FNIP1: variants seen among roughly 807,000 people sequenced by gnomAD.
The protein encoded by FNIP1 is folliculin interacting protein 1.
Under a neutral mutation model 124.5 loss-of-function variants are expected in FNIP1, and 40 were observed. The observed-to-expected ratio is 0.32, with a 90% CI of 0.25 to 0.42. The LOEUF is 0.42. FNIP1 is among the 10% of genes least tolerant of loss of function. FNIP1 has a pLI of 1.00. For missense variants in FNIP1, 1,176 were observed against 1,403.7 expected (o/e 0.84, Z 2.59); for synonymous variants, 472 against 470.6 (o/e 1.00, Z -0.04).
intron 15 of FNIP1, among the ~76,000 whole-genome samples, chr5:131,668,960 C>T (rs1312389121): frequency 6.6e-6 from 1 of 152,148 alleles, no homozygotes; most frequent in East Asian, 1.9e-4. Context: ...TTTGGAGAAG[C>T]CCTCACCATT....
intron 2 of FNIP1, among the ~76,000 whole-genome samples, chr5:131,740,829 T>C (rs529915638): frequency 1.3e-5 from 2 of 152,186 alleles, no homozygotes; most frequent in African/African-American, 4.8e-5. Context: ...ACCTTGATGA[T>C]GAAAAAGCCT....
chr5:131,659,202 A>C (rs1163241499), intron 15 of FNIP1, among the ~76,000 whole-genome samples: 1 of 152,186 alleles, frequency 6.6e-6, no homozygotes, highest in Non-Finnish European at 1.5e-5. Flanking sequence ...ATGCCAGGGT[A>C]CATGTTGTTG....
rs756871012 is a variant in FNIP1, at chr5:131,642,958, G to T, written c.*1727C>A. 6.8e-6 allele frequency: 1 copy of T among 147,144 alleles called. No individual in the cohort carries two copies. The highest frequency in any genetic ancestry group is 1.5e-5 in the Non-Finnish European group (1 of 67,018). The allele number at this position is 147,144 out of a possible 1,614,324, so 9.1% of individuals were successfully genotyped here. A position where few individuals can be genotyped will look rare whatever the true frequency, so the allele number is the denominator to read the frequency against. On this transcript the variant is annotated 3_prime_UTR_variant, in exon 18 of 18. Coordinates refer to ENST00000510461, the MANE Select transcript of FNIP1 (RefSeq NM_133372.3). The stretch of plus-strand genomic sequence containing the variant: ...ATTCTGCCAAAAAGATTGACTCATA[G>T]AATTCCAAAATCAGACAACTGGATA...
chr5:131,695,138 AATAAATAAATAAAT>A (rs1768647496), intron 11 of FNIP1, among the ~76,000 whole-genome samples: 3 of 151,378 alleles, frequency 2.0e-5, no homozygotes, highest in African/African-American at 7.3e-5. Context: ...TAAATAAATA[AATAAATAAATAAAT>A]AAAGCATTAA....
At chr5:131,750,549 G>A (rs1561689230) in intron 1 of FNIP1, among the ~76,000 whole-genome samples, 1 of 151,354 alleles carries the variant, frequency 6.6e-6, no homozygotes, top group Non-Finnish European at 1.5e-5. Context: ...TAAGTCAATA[G>A]ACTATGATAG....
intron 11 of FNIP1, among the ~76,000 whole-genome samples, chr5:131,688,028 A>C (rs147976405): frequency 1.3e-5 from 2 of 152,170 alleles, no homozygotes; most frequent in African/African-American, 4.8e-5. Flanking sequence ...TGGCCTCTGG[A>C]AAGAAAAATA....
At chr5:131,773,902 T>C (rs1258121394) in intron 1 of FNIP1, among the ~76,000 whole-genome samples, 2 of 152,202 alleles carry the variant, frequency 1.3e-5, no homozygotes, top group Non-Finnish European at 2.9e-5. Flanking sequence ...TCTCATTCTC[T>C]ACAGGATCTC....
chr5:131,682,346 A>G (rs1234367699), intron 11 of FNIP1, among the ~76,000 whole-genome samples: 1 of 152,208 alleles, frequency 6.6e-6, no homozygotes, highest in African/African-American at 2.4e-5. Flanking sequence ...GAGTGTTATC[A>G]AGTATAAAGA....
intron 12 of FNIP1, among the ~76,000 whole-genome samples, chr5:131,678,149 A>C (rs571770848): frequency 9.2e-5 from 14 of 152,248 alleles, no homozygotes; most frequent in Non-Finnish European, 1.6e-4. Context: ...ATGCCATTTT[A>C]CTTCAAAAAT....
At chr5:131,693,341 T>C (rs1457543323) in intron 11 of FNIP1, among the ~76,000 whole-genome samples, 1 of 127,228 alleles carries the variant, frequency 7.9e-6, no homozygotes, top group African/African-American at 2.9e-5. Context: ...TACATATATA[T>C]ATATATATAT....
chr5:131,757,233 A>C (rs979964112), intron 1 of FNIP1, among the ~76,000 whole-genome samples: 1 of 152,234 alleles, frequency 6.6e-6, no homozygotes, highest in African/African-American at 2.4e-5. Context: ...GAAAGAGAGG[A>C]GAGTCAGTTA....
intron 16 of FNIP1, among the ~76,000 whole-genome samples, chr5:131,651,128 G>A (rs1277932624): frequency 6.6e-6 from 1 of 152,078 alleles, no homozygotes; most frequent in East Asian, 1.9e-4. Flanking sequence ...GGTGGCTCAT[G>A]CCTGTAATCT....
intron 8 of FNIP1, 31 bp downstream of exon 8, chr5:131,709,170 T>TA (rs1236460582): frequency 1.9e-5 from 30 of 1,585,900 alleles, no homozygotes; most frequent in Non-Finnish European, 2.6e-5. Context: ...AGTAATCTCA[T>TA]AAAAAACTGA....
intron 1 of FNIP1, among the ~76,000 whole-genome samples, chr5:131,779,157 A>AG (rs1561703848): frequency 6.6e-6 from 1 of 151,826 alleles, no homozygotes; most frequent in Non-Finnish European, 1.5e-5. Context: ...TAAAAAAAAA[A>AG]AAAAAGAAAA....
In FNIP1 at chr5:131,657,194, G is replaced by C. The variant is rs896622877; in HGVS notation, c.3109-5195C>G. 7.2e-5 allele frequency among the ~76,000 whole-genome samples: 11 copies of C among 151,998 alleles called. No homozygotes were observed. The East Asian group carries it at 9.7e-4, about 13-fold the overall frequency. On this transcript the variant is annotated intron_variant, in intron 15 of 17. Coordinates refer to ENST00000510461, the MANE Select transcript of FNIP1 (RefSeq NM_133372.3). ...CATTTGTGTATTTTTAGTAGAGACG[G>C]GTTTTCACTATGTTGGCCAGGCTGG... is the stretch of plus-strand genomic sequence containing the variant.
intron 10 of FNIP1, among the ~76,000 whole-genome samples, chr5:131,700,809 T>C (rs1768873546): frequency 6.6e-6 from 1 of 152,202 alleles, no homozygotes; most frequent in Admixed American, 6.5e-5. Flanking sequence ...TTCACTATTA[T>C]ATTCTATTCT....
chr5:131,697,917 C>G (rs1768757888), intron 11 of FNIP1, among the ~76,000 whole-genome samples: 2 of 131,448 alleles, frequency 1.5e-5, no homozygotes, highest in South Asian at 4.7e-4. Context: ...TGCAGTGAGG[C>G]AAGATCACGC....
intron 2 of FNIP1, among the ~76,000 whole-genome samples, chr5:131,741,204 C>T (rs1451510654): frequency 6.6e-6 from 1 of 152,012 alleles, no homozygotes; most frequent in Non-Finnish European, 1.5e-5. Context: ...GGATCCAGAC[C>T]CCTTTCCGGT....
chr5:131,730,543 T>C (rs1770046345), intron 3 of FNIP1, among the ~76,000 whole-genome samples: 1 of 152,218 alleles, frequency 6.6e-6, no homozygotes, highest in Non-Finnish European at 1.5e-5. Context: ...TAAAACTGTG[T>C]ATTATGTATA....
Sources: allele counts gnomAD v4.1 joint callset (sites outside exome capture counted in the v4.1 genomes callset), GRCh38; gene constraint gnomAD v4.1.1; transcripts MANE v1.5; gene names NCBI Gene and HGNC (gene_info 2026-07-23, HGNC 2026-07-21).